The following CGNL1 variants were observed in gnomAD, a reference collection of about 807,000 sequenced individuals.
The protein encoded by CGNL1 is cingulin-like protein 1.
A neutral mutation model predicts 141.2 loss-of-function variants in CGNL1; 132 were observed. That is an observed-to-expected ratio of 0.93 (90% confidence interval 0.81 to 1.08). CGNL1 has a LOEUF of 1.08. CGNL1 is among the 50% of genes least tolerant of loss of function. The pLI is 0.00. For synonymous variants in CGNL1, 690 were observed against 622.1 expected (o/e 1.11, Z -1.63); for missense variants, 1,870 against 1,588.6 (o/e 1.18, Z -3.01).
intron 1 of CGNL1, among the ~76,000 whole-genome samples, chr15:57,428,732 A>G (rs1484102787): frequency 6.6e-6 from 1 of 152,162 alleles, no homozygotes; most frequent in Non-Finnish European, 1.5e-5. Flanking sequence ...AGGTCATAAA[A>G]ACAGACTGTG....
At chr15:57,481,130 G>C (rs576997885) in intron 8 of CGNL1, among the ~76,000 whole-genome samples, 1 of 130,692 alleles carries the variant, frequency 7.7e-6, no homozygotes, top group African/African-American at 2.9e-5. Flanking sequence ...AAAATCAAAC[G>C]TTTTGAGATA....
intron 14 of CGNL1, among the ~76,000 whole-genome samples, chr15:57,534,965 C>A (rs892449138): frequency 4.6e-5 from 7 of 152,102 alleles, no homozygotes; most frequent in Non-Finnish European, 8.8e-5. Context: ...TCCCACTAGT[C>A]TTAGTGATGG....
rs1189473579 is a variant in CGNL1, at chr15:57,461,755, C to A, written c.2266C>A (p.Arg756=). 5 of 1,613,968 alleles carry A rather than the reference C, an allele frequency of 3.1e-6. No homozygotes were observed. The East Asian group carries it at 6.7e-5, about 22-fold the overall frequency. ...KEEQEDLLRK[R]ERELTALKGA... is the part of the protein sequence containing the mutation. ...GGAGCAAGAAGACCTCTTGAGAAAG[C>A]GAGAGCGTGAACTCACCGCCCTGAA... The change falls in exon 8 of 19, where the codon CGA becomes AGA. Residue 756 remains arginine (R), a synonymous_variant. Coordinates refer to ENST00000281282, the MANE Select transcript of CGNL1 (RefSeq NM_032866.5).
At chr15:57,487,411 G>A (rs2063799793) in intron 8 of CGNL1, among the ~76,000 whole-genome samples, 1 of 151,964 alleles carries the variant, frequency 6.6e-6, no homozygotes, top group Non-Finnish European at 1.5e-5. Flanking sequence ...TGTTTTTCTG[G>A]GCAAAAGTGA....
chr15:57,463,126 G>A (rs1186349638), intron 8 of CGNL1, among the ~76,000 whole-genome samples: 1 of 152,128 alleles, frequency 6.6e-6, no homozygotes, highest in Non-Finnish European at 1.5e-5. Flanking sequence ...ACTTAATGTG[G>A]TGTATTCTGG....
At chr15:57,442,668 G>C (rs752925330) in intron 4 of CGNL1, among the ~76,000 whole-genome samples, 190 bp downstream of exon 4, 1 of 152,112 alleles carries the variant, frequency 6.6e-6, no homozygotes, top group Non-Finnish European at 1.5e-5. Context: ...ACCCTGGCTG[G>C]AGTGTAGTGG....
intron 10 of CGNL1, among the ~76,000 whole-genome samples, chr15:57,519,682 T>C (rs1309935305): frequency 6.6e-6 from 1 of 152,242 alleles, no homozygotes; most frequent in African/African-American, 2.4e-5. Flanking sequence ...TTTGCTGTGC[T>C]GCTGTTTAAA....
At chr15:57,515,512 C>T (rs748139823) in intron 8 of CGNL1, among the ~76,000 whole-genome samples, 9 of 152,174 alleles carry the variant, frequency 5.9e-5, no homozygotes, top group Admixed American at 1.3e-4. Context: ...TTTCTTTTAT[C>T]GCAGGCGTCT....
intron 4 of CGNL1, 88 bp downstream of exon 4, chr15:57,442,566 A>G: frequency 1.3e-6 from 1 of 798,798 alleles, no homozygotes; most frequent in Non-Finnish European, 2.1e-6. Flanking sequence ...ATGTTTGTTT[A>G]TAGCAGTAAG....
chr15:57,456,636 T>G (rs1163837723), intron 7 of CGNL1, among the ~76,000 whole-genome samples: 1 of 152,170 alleles, frequency 6.6e-6, no homozygotes. Context: ...AAATTTTTTT[T>G]TTTTCAGCTC....
intron 7 of CGNL1, among the ~76,000 whole-genome samples, chr15:57,455,948 G>A (rs1215433801): frequency 1.3e-5 from 2 of 152,188 alleles, no homozygotes; most frequent in African/African-American, 4.8e-5. Context: ...TCCCACAACA[G>A]GAACTGTATC....
At chr15:57,416,146 G>T (rs1197124745) in intron 1 of CGNL1, among the ~76,000 whole-genome samples, 2 of 151,384 alleles carry the variant, frequency 1.3e-5, no homozygotes, top group Non-Finnish European at 2.9e-5. Context: ...ATCCCTTTTA[G>T]TCCCTGTGGT....
At chr15:57,517,393 A>C (rs867451527) in intron 9 of CGNL1, among the ~76,000 whole-genome samples, 1 of 152,164 alleles carries the variant, frequency 6.6e-6, no homozygotes, top group African/African-American at 2.4e-5. Flanking sequence ...TAACAAGCCA[A>C]TTATCTGGTT....
At chr15:57,408,408 T>C (rs1714514015) in intron 1 of CGNL1, among the ~76,000 whole-genome samples, 1 of 152,140 alleles carries the variant, frequency 6.6e-6, no homozygotes, top group Non-Finnish European at 1.5e-5. Flanking sequence ...ACTGCCCAGG[T>C]GAGCCTTTTG....
intron 1 of CGNL1, among the ~76,000 whole-genome samples, chr15:57,424,903 A>G (rs1462868072): frequency 6.6e-6 from 1 of 152,252 alleles, no homozygotes; most frequent in Non-Finnish European, 1.5e-5. Flanking sequence ...CATCCTACAT[A>G]TTAATGTTGT....
At chr15:57,533,444 G>T (rs547476097) in intron 14 of CGNL1, among the ~76,000 whole-genome samples, 1 of 152,272 alleles carries the variant, frequency 6.6e-6, no homozygotes, top group South Asian at 2.1e-4. Context: ...TGGCTAAGTA[G>T]CGACGTTCCC....
intron 8 of CGNL1, among the ~76,000 whole-genome samples, chr15:57,491,867 C>T (rs1383177030): frequency 6.6e-6 from 1 of 152,158 alleles, no homozygotes; most frequent in East Asian, 1.9e-4. Context: ...CCTCCTCCTC[C>T]TCCTTCCTGC....
chr15:57,423,491 T>C (rs2062938714), intron 1 of CGNL1, among the ~76,000 whole-genome samples: 1 of 152,182 alleles, frequency 6.6e-6, no homozygotes, highest in Non-Finnish European at 1.5e-5. Context: ...AAGAGTTATT[T>C]TTCCTCCATT....
chr15:57,419,121 G>T (rs1706372), intron 1 of CGNL1, among the ~76,000 whole-genome samples: 128,996 of 152,052 alleles, frequency 0.85, 55,023 homozygotes, highest in East Asian at 0.95. Flanking sequence ...TAGTAGAGAC[G>T]GGGTTTCACC....
Sources: allele counts gnomAD v4.1 joint callset (sites outside exome capture counted in the v4.1 genomes callset), GRCh38; gene constraint gnomAD v4.1.1; transcripts MANE v1.5; gene names NCBI Gene and HGNC (gene_info 2026-07-23, HGNC 2026-07-21).